GABRA3: variants seen among roughly 807,000 people sequenced by gnomAD.
The protein encoded by GABRA3 is gamma-aminobutyric acid receptor subunit alpha-3.
Under a neutral mutation model 30.1 loss-of-function variants are expected in GABRA3, and 10 were observed. That is an observed-to-expected ratio of 0.33 (90% CI 0.20 to 0.56). GABRA3 has a LOEUF of 0.56. Among genes scored for constraint, GABRA3 ranks in the 20% least tolerant of loss-of-function variants. The pLI, the probability that GABRA3 is intolerant of heterozygous loss-of-function variation, is 0.89. For missense variants in GABRA3, 233 were observed against 392.0 expected (o/e 0.59, Z 3.42); for synonymous variants, 151 against 146.8 (o/e 1.03, Z -0.21).
intron 3 of GABRA3, among the ~76,000 whole-genome samples, chrX:152,306,913 G>A (rs894825672): frequency 9.0e-6 from 1 of 111,231 alleles, no homozygotes; most frequent in African/African-American, 3.3e-5. Context: ...ACATAGATCT[G>A]TTCTGTTTCA....
chrX:152,203,884 T>C (rs762737314), intron 7 of GABRA3, among the ~76,000 whole-genome samples: 302 of 111,992 alleles, frequency 2.7e-3, no homozygotes, highest in Admixed American at 4.3e-3. Context: ...AATCCCCCCT[T>C]TCCATGTAAC....
At chrX:152,292,732 GA>G (rs1939445537) in intron 3 of GABRA3, among the ~76,000 whole-genome samples, 1 of 111,722 alleles carries the variant, frequency 9.0e-6, no homozygotes, top group South Asian at 3.7e-4. Context: ...ATGTGTCCCA[GA>G]GATTCTGGTA....
At chrX:152,215,775 G>A (rs1286724152) in intron 6 of GABRA3, among the ~76,000 whole-genome samples, 1 of 111,489 alleles carries the variant, frequency 9.0e-6, no homozygotes, top group Non-Finnish European at 1.9e-5. Flanking sequence ...AAAATCTTCT[G>A]TAGAGTAAGT....
intron 9 of GABRA3, among the ~76,000 whole-genome samples, chrX:152,180,157 A>G (rs760206392): frequency 8.9e-6 from 1 of 111,953 alleles, no homozygotes; most frequent in East Asian, 2.8e-4. Context: ...GCAAATTTAC[A>G]TTCCCACCAA....
intron 1 of GABRA3, among the ~76,000 whole-genome samples, chrX:152,429,257 C>G (rs1930591947): frequency 9.1e-6 from 1 of 110,043 alleles, no homozygotes; most frequent in Admixed American, 9.7e-5. Context: ...TCCAATATAC[C>G]TCTCAAACCC....
intron 5 of GABRA3, among the ~76,000 whole-genome samples, chrX:152,226,488 T>C (rs761050093): frequency 8.1e-5 from 9 of 111,374 alleles, no homozygotes; most frequent in Non-Finnish European, 1.5e-4. Flanking sequence ...ACTTCATGTC[T>C]AAAACACCAA....
intron 1 of GABRA3, among the ~76,000 whole-genome samples, chrX:152,406,950 T>C (rs1929952334): frequency 8.9e-6 from 1 of 112,034 alleles, no homozygotes; most frequent in East Asian, 2.8e-4. Flanking sequence ...AAGAGGAATT[T>C]TGGAAGTATA....
At chrX:152,174,613 C>G (rs1937048633) in intron 9 of GABRA3, among the ~76,000 whole-genome samples, 1 of 111,737 alleles carries the variant, frequency 8.9e-6, no homozygotes. Context: ...CTGTTTATAT[C>G]CTTCACCCAC....
chrX:152,240,690 A>T (rs1329423748), intron 5 of GABRA3, among the ~76,000 whole-genome samples: 1 of 101,157 alleles, frequency 9.9e-6, no homozygotes, highest in African/African-American at 4.0e-5. Flanking sequence ...GGCTTTGCTC[A>T]TATCTTTTTA....
At chrX:152,225,418 GCACACACACACACGCACACACACACA>G (rs1937926938) in intron 5 of GABRA3, among the ~76,000 whole-genome samples, 2 of 56,033 alleles carry the variant, frequency 3.6e-5, no homozygotes, top group African/African-American at 1.1e-4. Flanking sequence ...ACACACACAC[GCACACACACACACGCACACACACACA>G]CACACACACA....
At chrX:152,324,842 T>C (rs1940026712) in intron 3 of GABRA3, among the ~76,000 whole-genome samples, 1 of 111,790 alleles carries the variant, frequency 8.9e-6, no homozygotes, top group African/African-American at 3.2e-5. Context: ...CTAGGATACA[T>C]AGGATTGAGG....
At chrX:152,312,591 A>C in intron 3 of GABRA3, among the ~76,000 whole-genome samples, 1 of 112,115 alleles carries the variant, frequency 8.9e-6, no homozygotes, top group Non-Finnish European at 1.9e-5. Context: ...ATTTCATGAC[A>C]AAGAAATTAA....
chrX:152,352,054 A>G (rs776824525), intron 2 of GABRA3, among the ~76,000 whole-genome samples: 12 of 111,573 alleles, frequency 1.1e-4, no homozygotes, highest in African/African-American at 3.9e-4. Context: ...CCAATCACAG[A>G]TCACCATAAC....
chrX:152,291,786 T>C (rs760595431), intron 3 of GABRA3, among the ~76,000 whole-genome samples: 56 of 112,024 alleles, frequency 5.0e-4, no homozygotes, highest in African/African-American at 1.7e-3. Flanking sequence ...GTTTTCGTCT[T>C]TGGTTCTGTT....
At chrX:152,347,889 C>A (rs1235811121) in intron 2 of GABRA3, among the ~76,000 whole-genome samples, 1 of 111,692 alleles carries the variant, frequency 9.0e-6, no homozygotes, top group Non-Finnish European at 1.9e-5. Flanking sequence ...CCTGTAGTCC[C>A]ATTTACTGGG....
At chrX:152,204,101 C>G (rs1041727129) in intron 7 of GABRA3, among the ~76,000 whole-genome samples, 1 of 111,201 alleles carries the variant, frequency 9.0e-6, no homozygotes, top group Non-Finnish European at 1.9e-5. Context: ...TTTGATCCAG[C>G]TATCAATACT....
intron 1 of GABRA3, among the ~76,000 whole-genome samples, chrX:152,424,928 C>CTTTTTTTTTTTTTTT (rs747255822): frequency 2.4e-5 from 1 of 42,358 alleles, no homozygotes; most frequent in African/African-American, 1.2e-4. Context: ...TTTTTCTTTT[C>CTTTTTTTTTTTTTTT]TTTTTTTTTT....
intron 8 of GABRA3, among the ~76,000 whole-genome samples, chrX:152,190,791 T>G (rs1937314756): frequency 9.1e-6 from 1 of 110,256 alleles, no homozygotes; most frequent in African/African-American, 3.3e-5. Context: ...GGGAGTGTTA[T>G]TCTAAATTCA....
In GABRA3 at chrX:152,451,134, A is replaced by C. The variant is rs1381040323; in HGVS notation, c.-27+12T>G. The C allele has an allele frequency of 9.0e-6, 1 of 111,616 alleles. No homozygotes were observed. 9.2% of individuals were successfully genotyped at this position (111,616 alleles called of 1,213,427 possible). A position where few individuals can be genotyped will look rare whatever the true frequency, so the allele number is the denominator to read the frequency against. On this transcript the variant is annotated intron_variant, in intron 1 of 9. Coordinates refer to ENST00000370314, the MANE Select transcript of GABRA3 (RefSeq NM_000808.4). ...TGGGGGAGGGGGAAGAAGGAACATC[A>C]ATGTTTCTTACCGAGCTCTACAGTC...
Sources: gnomAD v4.1 joint callset for allele counts (sites outside exome capture counted in the v4.1 genomes callset) on GRCh38, gnomAD v4.1.1 for gene constraint, MANE v1.5 for transcripts, NCBI Gene and HGNC (gene_info 2026-07-23, HGNC 2026-07-21) for gene names.